The following KRT26 variants were observed in gnomAD, a reference collection of about 807,000 sequenced individuals.
The protein encoded by KRT26 is keratin, type I cytoskeletal 26.
A neutral mutation model predicts 46.1 loss-of-function variants in KRT26; 45 were observed. The observed-to-expected ratio is 0.98, with a 90% confidence interval of 0.77 to 1.25. The LOEUF is 1.25. KRT26 is among the 50% of genes most tolerant of loss of function. KRT26 has a pLI of 0.00. For synonymous variants in KRT26, 191 were observed against 209.9 expected (o/e 0.91, Z 0.78); for missense variants, 582 against 560.1 (o/e 1.04, Z -0.39).
intron 7 of KRT26, 124 bp from the exon 8 acceptor site, chr17:40,766,790 A>G: frequency 3.1e-6 from 2 of 642,440 alleles, no homozygotes; most frequent in Middle Eastern, 4.4e-4. Flanking sequence ...CCCAGGCTGG[A>G]GTGCAGTGGC....
In KRT26 at chr17:40,770,304, C is replaced by T. The variant is rs143177462; in HGVS notation, c.630G>A (p.Gln210=). Residue 210 remains glutamine (Q), a synonymous_variant, in exon 3 of 8, where the codon CAG becomes CAA. Coordinates refer to ENST00000335552, the Ensembl canonical transcript of KRT26. ...TCAATTCCTCACTGAGGGTCTCACA[C>T]TGTATCTCCAGGTCGGTTGTACAAA... is the stretch of plus-strand genomic sequence containing the variant. The T allele has an allele frequency of 1.3e-4, 211 of 1,614,190 alleles. 2 individuals carry two copies. The African/African-American group carries it at 2.5e-3, about 19-fold the overall frequency.
chr17:40,768,865 AAGTT>A lies in KRT26; in HGVS notation c.1187+10_1187+13del. ...ATGTGAGGTTTTTTTTTTTTTTTGC[AAGTT>A]AATCTTTACCTTTCTTCTCCATCTA... On this transcript the variant is annotated intron_variant, in intron 6 of 7. Transcript: ENST00000335552. 1 of 1,286,528 alleles carries A rather than the reference AAGTT, an allele frequency of 7.8e-7. No homozygotes were observed. Among genetic ancestry groups the A allele is most frequent in the Non-Finnish European group, 1.1e-6 (1 of 937,052 alleles). 79.7% of individuals were successfully genotyped at this position (1,286,528 alleles called of 1,614,324 possible).
chr17:40,769,304 A>C (rs2038198337), intron 5 of KRT26, among the ~76,000 whole-genome samples: 1 of 152,026 alleles, frequency 6.6e-6, no homozygotes, highest in African/African-American at 2.4e-5. Flanking sequence ...TTACAGGTAC[A>C]TGCCACCACA....
chr17:40,772,111 CATG>C, exon 1 of KRT26: 1 of 1,613,382 alleles, frequency 6.2e-7, no homozygotes, highest in Non-Finnish European at 8.5e-7. Context: ...GTCGAAAAGA[CATG>C]GTGGCAGCAC....
At chr17:40,770,191 G>C (rs2038210397) in intron 3 of KRT26, 62 bp downstream of exon 3, 2 of 1,612,300 alleles carry the variant, frequency 1.2e-6, no homozygotes, top group South Asian at 2.2e-5. Context: ...GCTACGAAAT[G>C]AACAGTGGAC....
chr17:40,767,579 T>A lies in KRT26; in HGVS notation c.1255+7A>T. ...AGTTACACCAGGTAAAAAAAATCTA[T>A]CTATACCTTTGGCTTGATTTCCAGA... On this transcript the variant is annotated splice_region_variant and intron_variant, in intron 7 of 7. Coordinates refer to ENST00000335552, the Ensembl canonical transcript of KRT26. The A allele has an allele frequency of 6.3e-7, 1 of 1,586,314 alleles. No homozygotes were observed. Among genetic ancestry groups the A allele is most frequent in the South Asian group, 1.2e-5 (1 of 86,894 alleles).
intron 2 of KRT26, among the ~76,000 whole-genome samples, chr17:40,770,801 C>A (rs1000529524): frequency 6.6e-6 from 1 of 152,224 alleles, no homozygotes; most frequent in African/African-American, 2.4e-5. Flanking sequence ...TCTCATGTCT[C>A]AGCCTCCCAA....
exon 1 of KRT26, chr17:40,772,026 C>A: frequency 6.2e-7 from 1 of 1,614,162 alleles, no homozygotes; most frequent in Non-Finnish European, 8.5e-7. Context: ...ACATTCCCAG[C>A]CACGAAGCCT....
exon 7 of KRT26, chr17:40,767,625 T>C: frequency 1.9e-6 from 3 of 1,606,944 alleles, no homozygotes; most frequent in African/African-American, 1.3e-5. Flanking sequence ...CTGTATCCTT[T>C]TGATTTGTAA....
At chr17:40,772,131 G>A in exon 1 of KRT26, 2 of 1,608,554 alleles carry the variant, frequency 1.2e-6, no homozygotes, top group Non-Finnish European at 1.7e-6. Context: ...GCACAGCCGG[G>A]CAACCCCTTC....
chr17:40,772,141 C>T (rs1567675752), exon 1 of KRT26: 1 of 1,601,222 alleles, frequency 6.2e-7, no homozygotes, highest in Admixed American at 1.7e-5. Context: ...GCAACCCCTT[C>T]CCAGAAAGAG....
intron 6 of KRT26, 27 bp from the exon 7 acceptor site, chr17:40,767,680 ATT>A (rs5820359): frequency 5.1e-6 from 7 of 1,367,498 alleles, no homozygotes; most frequent in African/African-American, 1.5e-5. Flanking sequence ...AAATTATTGC[ATT>A]TTTTTTTCTT....
At chr17:40,770,659 T>G (rs1446688107) in intron 2 of KRT26, among the ~76,000 whole-genome samples, 1 of 152,324 alleles carries the variant, frequency 6.6e-6, no homozygotes, top group East Asian at 1.9e-4. Context: ...TGCTAGATTT[T>G]AGATTTTAAA....
chr17:40,767,874 AC>A (rs1312277752), intron 6 of KRT26, among the ~76,000 whole-genome samples: 1 of 152,178 alleles, frequency 6.6e-6, no homozygotes, highest in Non-Finnish European at 1.5e-5. Flanking sequence ...ACCAGAAATT[AC>A]CTCTTTCATC....
exon 1 of KRT26, chr17:40,771,716 T>C (rs773791497): frequency 2.5e-6 from 4 of 1,614,218 alleles, no homozygotes; most frequent in Admixed American, 3.3e-5. Context: ...TCTGCTATAG[T>C]CATGATCGTG....
exon 8 of KRT26, chr17:40,766,267 C>A: frequency 3.2e-6 from 1 of 313,630 alleles, no homozygotes; most frequent in Non-Finnish European, 5.7e-6. Context: ...AATGAAATGT[C>A]AAAAAAGGCC....
chr17:40,767,658 G>A lies in KRT26; in HGVS notation c.1188-5C>T. ...TAACATGTGGATTTGCTTTTTCTGT[G>A]AAGAGAAGAGTAAATTATTGCATTT... On this transcript the variant is annotated splice_region_variant and splice_polypyrimidine_tract_variant and intron_variant, in intron 6 of 7. Coordinates refer to ENST00000335552, the Ensembl canonical transcript of KRT26. 1 of 1,580,172 alleles carries A rather than the reference G, an allele frequency of 6.3e-7. No homozygotes were observed. Among genetic ancestry groups the A allele is most frequent in the Non-Finnish European group, 8.7e-7 (1 of 1,156,020 alleles).
chr17:40,770,357 G>A, exon 3 of KRT26: 2 of 1,613,582 alleles, frequency 1.2e-6, no homozygotes, highest in Non-Finnish European at 1.7e-6. Flanking sequence ...ACTCTGCGAA[G>A]ACCACTGGTG....
rs2038195615 is a variant in KRT26 at position 40,769,075 on chromosome 17, AG to A, written c.990del (p.Leu331TrpfsTer19). 6.2e-7 allele frequency: 1 copy of A among 1,613,544 alleles called. No homozygotes were observed. Among genetic ancestry groups the A allele is most frequent in the East Asian group, 2.2e-5 (1 of 44,846 alleles). ...CAGTAATTTCCTTCAGTCTCAGCCA[AG>A]GAGCATTCATAGGAATGTTTCTGAA... On this transcript the variant is annotated frameshift_variant, in exon 6 of 8. Coordinates refer to ENST00000335552, the Ensembl canonical transcript of KRT26. LOFTEE classifies it high-confidence loss of function.
Sources: allele counts gnomAD v4.1 joint callset (sites outside exome capture counted in the v4.1 genomes callset), GRCh38; gene constraint gnomAD v4.1.1; transcripts MANE v1.5; gene names NCBI Gene and HGNC (gene_info 2026-07-23, HGNC 2026-07-21).